The following ZC3H12B variants were observed in gnomAD, a reference collection of about 807,000 sequenced individuals.
The protein encoded by ZC3H12B is probable ribonuclease ZC3H12B.
Under a neutral mutation model 43.9 loss-of-function variants are expected in ZC3H12B, and 7 were observed. The ratio of observed to expected loss-of-function variants is 0.16; its 90% CI spans 0.09 to 0.30. The LOEUF is 0.30. Ranked by LOEUF, ZC3H12B falls within the 10% of genes least tolerant of loss-of-function variation. ZC3H12B has a pLI of 1.00. For synonymous variants in ZC3H12B, 222 were observed against 241.7 expected (o/e 0.92, Z 0.76); for missense variants, 475 against 670.2 (o/e 0.71, Z 3.22).
chrX:65,503,210 TA>T, exon 5 of ZC3H12B: 1 of 1,169,127 alleles, frequency 8.6e-7, no homozygotes, highest in Non-Finnish European at 1.2e-6. Context: ...TGCACGTTGA[TA>T]TGACATAGTA....
chrX:65,159,041 A>G, the ZC3H12B span, among the ~76,000 whole-genome samples: 3 of 111,835 alleles, frequency 2.7e-5, no homozygotes, highest in Admixed American at 9.5e-5. Flanking sequence ...TCCTTTCCCC[A>G]TTGCTTGTTT....
the ZC3H12B span, among the ~76,000 whole-genome samples, chrX:65,123,177 G>T: frequency 9.9e-6 from 1 of 101,207 alleles, no homozygotes; most frequent in African/African-American, 4.8e-5. Flanking sequence ...TGGATCTGTT[G>T]ACAAAATCAT....
chrX:65,348,922 G>C, the ZC3H12B span, among the ~76,000 whole-genome samples: 1 of 111,162 alleles, frequency 9.0e-6, no homozygotes, highest in Non-Finnish European at 1.9e-5. Flanking sequence ...ATAATAGTGG[G>C]AGACTTTAAC....
chrX:65,070,828 T>G, the ZC3H12B span, among the ~76,000 whole-genome samples: 8 of 105,582 alleles, frequency 7.6e-5, no homozygotes, highest in East Asian at 2.0e-3. Flanking sequence ...TTTTTTTTTT[T>G]TTTTTTTTTT....
At chrX:65,373,515 G>A (rs1186772261) in intron 2 of ZC3H12B, among the ~76,000 whole-genome samples, 1 of 110,613 alleles carries the variant, frequency 9.0e-6, no homozygotes, top group Non-Finnish European at 1.9e-5. Context: ...TGATAGACTG[G>A]ATTAAGAAAA....
the ZC3H12B span, among the ~76,000 whole-genome samples, chrX:65,300,181 A>G: frequency 9.8e-5 from 11 of 112,416 alleles, no homozygotes; most frequent in South Asian, 3.7e-3. Flanking sequence ...TGAATGGGGC[A>G]TGCAGATACC....
chrX:65,080,188 GAAAA>G, the ZC3H12B span, among the ~76,000 whole-genome samples: 1 of 57,059 alleles, frequency 1.8e-5, no homozygotes, highest in African/African-American at 6.5e-5. Flanking sequence ...GAAGACAAAA[GAAAA>G]AAAAAAAAAC....
the ZC3H12B span, among the ~76,000 whole-genome samples, chrX:65,254,306 G>A: frequency 3.6e-5 from 4 of 112,567 alleles, no homozygotes; most frequent in Non-Finnish European, 5.6e-5. Context: ...ACCAGCCATT[G>A]CACTGTTGTG....
At chrX:65,273,549 T>A in the ZC3H12B span, among the ~76,000 whole-genome samples, 1 of 111,264 alleles carries the variant, frequency 9.0e-6, no homozygotes, top group African/African-American at 3.3e-5. Context: ...GCATAATGGA[T>A]AAAAACTTCC....
chrX:65,126,616 T>C, the ZC3H12B span, among the ~76,000 whole-genome samples: 4 of 110,736 alleles, frequency 3.6e-5, no homozygotes, highest in African/African-American at 1.3e-4. Context: ...CTTTCTTGGG[T>C]ACACCAATTA....
At chrX:65,230,343 A>G in the ZC3H12B span, among the ~76,000 whole-genome samples, 1 of 108,497 alleles carries the variant, frequency 9.2e-6, no homozygotes, top group Non-Finnish European at 1.9e-5. Context: ...ATGAGCTCAC[A>G]TGGACGCAGG....
chrX:65,126,295 A>T, the ZC3H12B span, among the ~76,000 whole-genome samples: 44 of 111,067 alleles, frequency 4.0e-4, no homozygotes, highest in Non-Finnish European at 7.2e-4. Context: ...GTTTTGTTCC[A>T]GGAGGCTAAA....
At chrX:65,502,668 C>T (rs2148245439) in exon 5 of ZC3H12B, 1 of 1,209,780 alleles carries the variant, frequency 8.3e-7, no homozygotes, top group East Asian at 3.0e-5. Flanking sequence ...CAGTCAGTCC[C>T]CCACTTAGCT....
At position 65,416,296 on chromosome X, in the gene ZC3H12B, C is replaced by T. The variant is rs185162044; in HGVS notation, n.407+17592C>T. Among the ~76,000 whole-genome samples the T allele has an allele frequency of 3.6e-5, 4 of 111,649 alleles. No homozygotes were observed. The Admixed American group carries it at 3.8e-4, about 11-fold the overall frequency. ...ATAGTTTCTGTTTTTCTCCCTCATT[C>T]TCAGCCTGTCAGAAGTTGCTTCTTG... On this transcript the variant is annotated intron_variant and non_coding_transcript_variant, in intron 3 of 5. Transcript: ENST00000617377.
the ZC3H12B span, among the ~76,000 whole-genome samples, chrX:65,102,913 G>A: frequency 9.0e-6 from 1 of 111,599 alleles, no homozygotes; most frequent in Non-Finnish European, 1.9e-5. Context: ...CGAATAGGGT[G>A]TGGGTCACAG....
intron 3 of ZC3H12B, among the ~76,000 whole-genome samples, chrX:65,481,508 G>A (rs914236737): frequency 1.8e-5 from 2 of 111,158 alleles, no homozygotes; most frequent in African/African-American, 3.3e-5. Context: ...AAATGCAGAA[G>A]GTTTCTCACT....
At chrX:65,289,665 A>G in the ZC3H12B span, among the ~76,000 whole-genome samples, 1 of 110,520 alleles carries the variant, frequency 9.0e-6, no homozygotes, top group Non-Finnish European at 1.9e-5. Flanking sequence ...ATGGAACAGA[A>G]TAGAGAATCA....
At chrX:65,462,516 A>G in intron 3 of ZC3H12B, among the ~76,000 whole-genome samples, 1 of 111,959 alleles carries the variant, frequency 8.9e-6, no homozygotes, top group East Asian at 2.8e-4. Context: ...AATAAATAAA[A>G]TAAAATAGAA....
chrX:65,082,970 G>T, the ZC3H12B span, among the ~76,000 whole-genome samples: 3 of 109,915 alleles, frequency 2.7e-5, no homozygotes, highest in Non-Finnish European at 5.7e-5. Context: ...GTCAATCAAT[G>T]ATGTACATCA....
Sources: allele counts gnomAD v4.1 joint callset (sites outside exome capture counted in the v4.1 genomes callset), GRCh38; gene constraint gnomAD v4.1.1; transcripts MANE v1.5; gene names NCBI Gene and HGNC (gene_info 2026-07-23, HGNC 2026-07-21).